The following HM13 variants were observed in gnomAD, a reference collection of about 807,000 sequenced individuals.
The protein encoded by HM13 is histocompatibility minor 13.
HM13 carries 18 observed loss-of-function variants against 50.0 expected under a neutral mutation model. The ratio of observed to expected loss-of-function variants is 0.36; its 90% CI spans 0.25 to 0.53. The LOEUF is 0.53. HM13 is among the 20% of genes least tolerant of loss of function. The pLI is 0.90. For synonymous variants in HM13, 197 were observed against 232.6 expected, an observed-to-expected ratio of 0.85 and a Z score of 1.39; for missense variants, 393 against 552.4, an observed-to-expected ratio of 0.71 and a Z score of 2.89.
chr20:31,515,059 T>C (rs1200491696), intron 1 of HM13, among the ~76,000 whole-genome samples: 3 of 152,206 alleles, frequency 2.0e-5, no homozygotes, highest in African/African-American at 7.2e-5. Context: ...ACTCGGGCAC[T>C]GATTGTTCTG....
chr20:31,567,347 T>C (rs934470483), intron 11 of HM13, among the ~76,000 whole-genome samples: 4 of 152,130 alleles, frequency 2.6e-5, no homozygotes, highest in African/African-American at 9.7e-5. Flanking sequence ...CCCAATGCTA[T>C]TGTGCCCTCA....
intron 4 of HM13, chr20:31,548,807 T>C (rs1374330602): frequency 1.7e-6 from 1 of 585,424 alleles, no homozygotes; most frequent in Non-Finnish European, 3.1e-6. Flanking sequence ...AGTCTCTCTC[T>C]GGGCCTCCAT....
intron 4 of HM13, among the ~76,000 whole-genome samples, chr20:31,546,074 G>C (rs1030572900): frequency 2.1e-5 from 3 of 144,600 alleles, no homozygotes; most frequent in African/African-American, 5.1e-5. Context: ...TTTCGAGACA[G>C]GGTCTCGCTC....
rs147835575 is a variant in HM13, at chr20:31,532,860, C to T, written c.282+5278C>T. On this transcript the variant is annotated intron_variant, in intron 2 of 12. Transcript: ENST00000398174. The stretch of plus-strand genomic sequence containing the variant: ...TAGTATTTAGGATTCTTTCCTTAGA[C>T]CAGATGCTCCCAAAAGGAATTTCTG... 4.8e-4 allele frequency among the ~76,000 whole-genome samples: 73 copies of T among 152,340 alleles called. No homozygotes were observed. The East Asian group carries it at 0.013, about 26-fold the overall frequency.
At chr20:31,538,125 C>T in intron 2 of HM13, 54 bp from the exon 3 acceptor site, 3 of 1,601,570 alleles carry the variant, frequency 1.9e-6, no homozygotes, top group Non-Finnish European at 1.7e-6. Context: ...CTCTGGTTTC[C>T]TCACAGCCAC....
intron 1 of HM13, among the ~76,000 whole-genome samples, chr20:31,519,409 C>A (rs1568777870): frequency 1.3e-5 from 2 of 151,912 alleles, no homozygotes; most frequent in Admixed American, 1.3e-4. Flanking sequence ...CCAGTACACT[C>A]TTCCTTGCAC....
At chr20:31,561,004 G>A (rs1189985393) in intron 9 of HM13, among the ~76,000 whole-genome samples, 1 of 152,212 alleles carries the variant, frequency 6.6e-6, no homozygotes. Context: ...ATGCCGGGCT[G>A]TATATGATTC....
intron 2 of HM13, among the ~76,000 whole-genome samples, chr20:31,535,080 C>G (rs7266743): frequency 3.2e-3 from 472 of 149,666 alleles, no homozygotes; most frequent in African/African-American, 0.011. Flanking sequence ...AGCAAGACTC[C>G]GTCTCAAAAA....
intron 4 of HM13, chr20:31,547,594 G>A: frequency 6.4e-7 from 1 of 1,555,858 alleles, no homozygotes; most frequent in East Asian, 2.3e-5. Context: ...CCAACTGGTA[G>A]AGCAATTTCC....
chr20:31,545,992 C>T (rs912167445), intron 4 of HM13, among the ~76,000 whole-genome samples: 8 of 151,794 alleles, frequency 5.3e-5, no homozygotes, highest in Non-Finnish European at 1.0e-4. Context: ...TGAGCCACCA[C>T]GCCCAGCAGG....
At chr20:31,531,624 G>C (rs761256683) in intron 2 of HM13, among the ~76,000 whole-genome samples, 1 of 151,308 alleles carries the variant, frequency 6.6e-6, no homozygotes, top group Non-Finnish European at 1.5e-5. Flanking sequence ...TTTTGAGACG[G>C]AGTCTGTCAC....
intron 1 of HM13, among the ~76,000 whole-genome samples, chr20:31,518,097 G>A (rs549105883): frequency 7.3e-5 from 11 of 150,168 alleles, no homozygotes; most frequent in Admixed American, 4.6e-4. Context: ...GTGCAATGGC[G>A]TGATCTTGGC....
rs1452286622 is a variant in HM13, at chr20:31,550,141, C to G, written c.724+20C>G. 1 of 1,606,292 alleles carries G rather than the reference C, an allele frequency of 6.2e-7. No individual in the cohort carries two copies. The highest frequency in any genetic ancestry group is 1.7e-4 in the Middle Eastern group (1 of 5,994). On this transcript the variant is annotated intron_variant, in intron 7 of 12. Coordinates refer to ENST00000398174, the MANE Select transcript of HM13 (RefSeq NM_178581.3). ...TAAAATGTAAGTGACCACCCTGCCACAGGGAACCCCTTCCCCCACCCCTGC... is the reference window on the plus strand; with the variant it reads ...TAAAATGTAAGTGACCACCCTGCCAGAGGGAACCCCTTCCCCCACCCCTGC...
rs536407931 is a variant in HM13, at chr20:31,533,975, G to A, written c.283-4204G>A. Among the ~76,000 whole-genome samples, 19 of 152,184 alleles carry A rather than the reference G, an allele frequency of 1.2e-4. No individual in the cohort carries two copies. In the South Asian group the frequency reaches 3.7e-3, roughly 30 times the overall value. Reference sequence around the variant, plus strand: ...GTTCACAATAACTTTAAACTCCCAGGCTCAGTTAATCTTCCCACCTCAGCC... The same window carrying A: ...GTTCACAATAACTTTAAACTCCCAGACTCAGTTAATCTTCCCACCTCAGCC... On this transcript the variant is annotated intron_variant, in intron 2 of 12. Transcript: ENST00000398174.
At chr20:31,550,235 C>A in intron 7 of HM13, 114 bp downstream of exon 7, 6 of 772,192 alleles carry the variant, frequency 7.8e-6, no homozygotes, top group South Asian at 5.7e-5. Flanking sequence ...ACCTCTTCCT[C>A]CTGTGGCTCC....
chr20:31,563,910 C>G (rs1180125420), intron 10 of HM13: 6 of 151,910 alleles, frequency 3.9e-5, no homozygotes, highest in Non-Finnish European at 8.8e-5. Context: ...AACCCCATCT[C>G]TACTAAAAAC....
At chr20:31,565,499 A>G (rs1600672600) in intron 10 of HM13, among the ~76,000 whole-genome samples, 1 of 151,604 alleles carries the variant, frequency 6.6e-6, no homozygotes, top group African/African-American at 2.4e-5. Context: ...AAAAAAAAAA[A>G]AGATTTGGGT....
At chr20:31,522,555 A>AAC (rs1982236881) in intron 1 of HM13, among the ~76,000 whole-genome samples, 1 of 140,890 alleles carries the variant, frequency 7.1e-6, no homozygotes, top group African/African-American at 2.8e-5. Context: ...AAAAAAAAAC[A>AAC]AAAAAAAAAA....
At chr20:31,555,944 T>G (rs1333806603) in intron 8 of HM13, among the ~76,000 whole-genome samples, 1 of 151,912 alleles carries the variant, frequency 6.6e-6, no homozygotes, top group Non-Finnish European at 1.5e-5. Flanking sequence ...CACTTCAGCT[T>G]GGGTGACAGA....
Sources: allele counts gnomAD v4.1 joint callset (sites outside exome capture counted in the v4.1 genomes callset), GRCh38; gene constraint gnomAD v4.1.1; transcripts MANE v1.5; gene names NCBI Gene and HGNC (gene_info 2026-07-23, HGNC 2026-07-21).